SLC24A2: variants seen among roughly 807,000 people sequenced by gnomAD.
The protein encoded by SLC24A2 is sodium/potassium/calcium exchanger 2.
Under a neutral mutation model 62.0 loss-of-function variants are expected in SLC24A2, and 36 were observed. The ratio of observed to expected loss-of-function variants is 0.58; its 90% confidence interval spans 0.44 to 0.77. SLC24A2 has a LOEUF of 0.77. Among genes scored for constraint, SLC24A2 ranks in the 30% least tolerant of loss-of-function variants. SLC24A2 has a pLI of 0.00. For missense variants in SLC24A2, 846 were observed against 817.9 expected (o/e 1.03, Z -0.42); for synonymous variants, 358 against 294.0 (o/e 1.22, Z -2.23).
chr9:19,964,615 T>G, the SLC24A2 span, among the ~76,000 whole-genome samples: 2 of 152,180 alleles, frequency 1.3e-5, no homozygotes, highest in Non-Finnish European at 2.9e-5. Context: ...TCCACTTGGT[T>G]GGACTGAACT....
intron 2 of SLC24A2, among the ~76,000 whole-genome samples, chr9:19,723,883 A>T (rs939697387): frequency 6.6e-5 from 10 of 152,144 alleles, no homozygotes; most frequent in African/African-American, 9.7e-5. Context: ...AGAGTCTACT[A>T]GATACTGAGT....
chr9:19,589,106 A>T (rs1240878556), intron 5 of SLC24A2, among the ~76,000 whole-genome samples: 1 of 152,228 alleles, frequency 6.6e-6, no homozygotes, highest in Non-Finnish European at 1.5e-5. Context: ...TATCTTCAGA[A>T]ATTTATTTTA....
intron 9 of SLC24A2, among the ~76,000 whole-genome samples, chr9:19,525,400 T>TTTC (rs1833395271): frequency 7.1e-6 from 1 of 139,912 alleles, no homozygotes. Context: ...ACTTTTTTTT[T>TTTC]TTTTTTTTTT....
At chr9:20,081,415 G>A in the SLC24A2 span, among the ~76,000 whole-genome samples, 147 of 145,544 alleles carry the variant, frequency 1.0e-3, 1 homozygote, top group South Asian at 3.5e-3. Flanking sequence ...ACTCATAGGT[G>A]GGAATTGAAC....
intron 2 of SLC24A2, among the ~76,000 whole-genome samples, chr9:19,622,685 TTTA>T (rs1299955323): frequency 2.0e-5 from 3 of 152,340 alleles, no homozygotes; most frequent in Non-Finnish European, 4.4e-5. Flanking sequence ...TTTATAAATA[TTTA>T]TTGTTTCATT....
chr9:20,202,071 G>A, the SLC24A2 span, among the ~76,000 whole-genome samples: 2 of 151,838 alleles, frequency 1.3e-5, no homozygotes, highest in African/African-American at 4.8e-5. Flanking sequence ...GTGTGTGTGT[G>A]TGTGTGTGTG....
chr9:19,951,115 C>A, the SLC24A2 span, among the ~76,000 whole-genome samples: 5 of 152,170 alleles, frequency 3.3e-5, no homozygotes, highest in Non-Finnish European at 7.3e-5. Context: ...GGAAGTATCA[C>A]TTCATCATTA....
At chr9:20,213,334 T>C in the SLC24A2 span, among the ~76,000 whole-genome samples, 1 of 151,558 alleles carries the variant, frequency 6.6e-6, no homozygotes, top group African/African-American at 2.4e-5. Context: ...TCAAATTACA[T>C]CAGACAAAAA....
chr9:20,089,760 G>A, the SLC24A2 span, among the ~76,000 whole-genome samples: 1 of 133,168 alleles, frequency 7.5e-6, no homozygotes, highest in Non-Finnish European at 1.5e-5. Context: ...ATACACCTAT[G>A]CTTACGGCAC....
the SLC24A2 span, among the ~76,000 whole-genome samples, chr9:20,305,186 G>T: frequency 3.4e-5 from 5 of 147,536 alleles, no homozygotes; most frequent in African/African-American, 1.3e-4. Flanking sequence ...TCGTCTCCCT[G>T]CATCTCTGCC....
At chr9:20,218,102 C>G in the SLC24A2 span, among the ~76,000 whole-genome samples, 1 of 152,150 alleles carries the variant, frequency 6.6e-6, no homozygotes, top group Non-Finnish European at 1.5e-5. Context: ...AAGACATACA[C>G]ATATGTTGAG....
rs10640008 is a variant in SLC24A2, at chr9:19,519,349, T to TTGTGTGTGTGTGTGTGTGTGTG, written c.1736+1523_1736+1544dup. On this transcript the variant is annotated intron_variant, in intron 10 of 10. Coordinates refer to ENST00000341998, the MANE Select transcript of SLC24A2 (RefSeq NM_020344.4). Reference sequence around the variant, plus strand: ...AGTGATTTTTTTTCTTTAAACTTCCTTGTGTGTGTGTGTGTGTGTGTGTGT... The same window carrying TTGTGTGTGTGTGTGTGTGTGTG: ...AGTGATTTTTTTTCTTTAAACTTCCTTGTGTGTGTGTGTGTGTGTGTGTGTGTGTGTGTGTGTGTGTGTGTGT... Among the ~76,000 whole-genome samples, 113 of 147,668 alleles carry TTGTGTGTGTGTGTGTGTGTGTG rather than the reference T, an allele frequency of 7.7e-4. 1 individual carries two copies. Among genetic ancestry groups the TTGTGTGTGTGTGTGTGTGTGTG allele is most frequent in the African/African-American group, 2.5e-3 (101 of 40,258 alleles).
chr9:19,868,978 T>C, the SLC24A2 span, among the ~76,000 whole-genome samples: 1 of 152,148 alleles, frequency 6.6e-6, no homozygotes, highest in Non-Finnish European at 1.5e-5. Flanking sequence ...TAGTTATTTA[T>C]GTGGGATTTT....
the SLC24A2 span, among the ~76,000 whole-genome samples, chr9:20,251,785 A>C: frequency 6.6e-6 from 1 of 152,218 alleles, no homozygotes. Flanking sequence ...CAGCTCAATG[A>C]TTCTCCAAGA....
chr9:19,858,846 T>C, the SLC24A2 span, among the ~76,000 whole-genome samples: 1 of 152,026 alleles, frequency 6.6e-6, no homozygotes, highest in Admixed American at 6.6e-5. Context: ...AGTCAAAAAA[T>C]AGCAGATGCT....
At chr9:19,543,833 G>C (rs1489311427) in intron 8 of SLC24A2, among the ~76,000 whole-genome samples, 4 of 152,134 alleles carry the variant, frequency 2.6e-5, no homozygotes, top group African/African-American at 9.7e-5. Flanking sequence ...ATTTGCTGAG[G>C]AGTGTTTTAC....
chr9:19,969,012 G>A, the SLC24A2 span, among the ~76,000 whole-genome samples: 1 of 152,060 alleles, frequency 6.6e-6, no homozygotes, highest in Non-Finnish European at 1.5e-5. Flanking sequence ...TGTTCTACCA[G>A]ACATTCTTCA....
chr9:20,157,425 T>C, the SLC24A2 span, among the ~76,000 whole-genome samples: 1 of 151,608 alleles, frequency 6.6e-6, no homozygotes, highest in South Asian at 2.1e-4. Context: ...AGAGACTTCA[T>C]GAAAAACAGG....
In SLC24A2 at chr9:19,789,027, G is replaced by GGGA; in HGVS notation, c.-299_-297dup. The GGGA allele has an allele frequency of 1.2e-6, 1 of 862,776 alleles. No homozygotes were observed. Among genetic ancestry groups the GGGA allele is most frequent in the Non-Finnish European group, 1.4e-6 (1 of 718,138 alleles). The allele number at this position is 862,776 out of a possible 1,614,324, so 53.4% of individuals were successfully genotyped here. On this transcript the variant is annotated 5_prime_UTR_variant, in exon 1 of 11. Transcript: ENST00000341998. ...CGCTCTCGCCAGCCGGGCTGGGTTCGGGAGGAGACTGAGCCGCTGTGAGCC... is the reference window on the plus strand; with the variant it reads ...CGCTCTCGCCAGCCGGGCTGGGTTCGGGAGGAGGAGACTGAGCCGCTGTGAGCC...
Sources: gnomAD v4.1 joint callset for allele counts (sites outside exome capture counted in the v4.1 genomes callset) on GRCh38, gnomAD v4.1.1 for gene constraint, MANE v1.5 for transcripts, NCBI Gene and HGNC (gene_info 2026-07-23, HGNC 2026-07-21) for gene names.